The following SPAST variants were observed in gnomAD, a reference collection of about 807,000 sequenced individuals.
SPAST encodes the protein spastic paraplegia 4 (autosomal dominant; spastin).
SPAST carries 30 observed loss-of-function variants against 76.6 expected under a neutral mutation model. That is an observed-to-expected ratio of 0.39 (90% CI 0.29 to 0.53). The LOEUF is 0.53. Among genes scored for constraint, SPAST ranks in the 20% least tolerant of loss-of-function variants. SPAST has a pLI of 0.68. For synonymous variants in SPAST, 305 were observed against 281.0 expected (o/e 1.09, Z -0.86); for missense variants, 717 against 770.5 (o/e 0.93, Z 0.82).
chr2:32,111,364 G>GAGTATATATAGTATA (rs1558320852), intron 4 of SPAST, among the ~76,000 whole-genome samples: 1 of 127,900 alleles, frequency 7.8e-6, no homozygotes, highest in Non-Finnish European at 1.7e-5. Flanking sequence ...AGTGTGTATA[G>GAGTATATATAGTATA]CGTATATATA....
intron 9 of SPAST, among the ~76,000 whole-genome samples, chr2:32,132,542 T>TA (rs1553317557): frequency 6.7e-6 from 1 of 149,668 alleles, no homozygotes; most frequent in African/African-American, 2.5e-5. Context: ...TTTTTTTTTT[T>TA]ATGAGACAGC....
intron 16 of SPAST, among the ~76,000 whole-genome samples, chr2:32,150,576 T>G (rs1573180563): frequency 6.6e-6 from 1 of 152,010 alleles, no homozygotes; most frequent in East Asian, 1.9e-4. Context: ...TTGCTGGGAC[T>G]ACGGGCATGT....
chr2:32,086,919 A>G (rs918611460), intron 1 of SPAST, among the ~76,000 whole-genome samples: 2 of 152,214 alleles, frequency 1.3e-5, no homozygotes, highest in African/African-American at 4.8e-5. Flanking sequence ...CTGAGTTTTT[A>G]GGTCCTTTTA....
chr2:32,085,788 C>G (rs1677451540), intron 1 of SPAST, among the ~76,000 whole-genome samples: 1 of 151,896 alleles, frequency 6.6e-6, no homozygotes, highest in Admixed American at 6.6e-5. Flanking sequence ...CGCCTGTAAT[C>G]CCAGCACTTT....
intron 1 of SPAST, among the ~76,000 whole-genome samples, chr2:32,074,499 CT>C (rs1004848578): frequency 2.2e-4 from 32 of 144,668 alleles, no homozygotes; most frequent in Admixed American, 3.5e-4. Context: ...TCTTTCTCAG[CT>C]TTTTTTTTTG....
chr2:32,087,976 C>A (rs1327459940), intron 2 of SPAST, among the ~76,000 whole-genome samples: 1 of 151,856 alleles, frequency 6.6e-6, no homozygotes, highest in East Asian at 1.9e-4. Context: ...CTCCGCCTCC[C>A]GGATTCAGGC....
chr2:32,111,331 CGTAT>C (rs1678589699), intron 4 of SPAST, among the ~76,000 whole-genome samples: 1 of 116,592 alleles, frequency 8.6e-6, no homozygotes, highest in Non-Finnish European at 1.8e-5. Context: ...GTGTGTATAG[CGTAT>C]ATATACAGTA....
At chr2:32,077,624 T>G (rs74374868) in intron 1 of SPAST, among the ~76,000 whole-genome samples, 4,936 of 152,286 alleles carry the variant, frequency 0.032, 115 homozygotes, top group Middle Eastern at 0.075. Context: ...AGGACTTAAA[T>G]CTTTGCCTTC....
intron 1 of SPAST, among the ~76,000 whole-genome samples, chr2:32,079,446 G>T (rs1238923906): frequency 6.6e-6 from 1 of 151,796 alleles, no homozygotes; most frequent in Non-Finnish European, 1.5e-5. Context: ...AGGAGGCGGA[G>T]GTTGCAGTGA....
intron 1 of SPAST, among the ~76,000 whole-genome samples, chr2:32,070,046 T>C (rs962428514): frequency 9.4e-5 from 14 of 148,790 alleles, no homozygotes; most frequent in African/African-American, 2.2e-4. Flanking sequence ...TTTATTCTTA[T>C]GGCATACTAA....
At chr2:32,096,467 C>T (rs1677918587) in intron 3 of SPAST, among the ~76,000 whole-genome samples, 2 of 152,000 alleles carry the variant, frequency 1.3e-5, no homozygotes, top group Admixed American at 6.6e-5. Context: ...AGCAGTTTCA[C>T]AGATGCTGTT....
rs1453031302 is a variant in SPAST, at chr2:32,156,060, C to CA, written c.*1565dup. On this transcript the variant is annotated 3_prime_UTR_variant, in exon 17 of 17. Coordinates refer to ENST00000315285, the MANE Select transcript of SPAST (RefSeq NM_014946.4). ...TCTGGGTTTTTTTTTTTTTTTGAGA[C>CA]AGAGTTTCGCTCTTGTTGCCCAGGC... is the stretch of plus-strand genomic sequence containing the variant. The CA allele has an allele frequency of 1.4e-5, 2 of 145,296 alleles. No individual in the cohort carries two copies. Among genetic ancestry groups the CA allele is most frequent in the Non-Finnish European group, 3.0e-5 (2 of 66,724 alleles). The allele number at this position is 145,296 out of a possible 1,614,324, so 9.0% of individuals were successfully genotyped here. A position where few individuals can be genotyped will look rare whatever the true frequency, so the allele number is the denominator to read the frequency against.
At chr2:32,106,910 T>G (rs1285497901) in intron 4 of SPAST, among the ~76,000 whole-genome samples, 1 of 149,742 alleles carries the variant, frequency 6.7e-6, no homozygotes, top group African/African-American at 2.5e-5. Flanking sequence ...AACAAAGAAA[T>G]GTAAGAGTCC....
At chr2:32,154,349 T>C (rs1680182448) in intron 16 of SPAST, 25 bp from the exon 17 acceptor site, 1 of 1,602,864 alleles carries the variant, frequency 6.2e-7, no homozygotes, top group African/African-American at 1.3e-5. Flanking sequence ...TCATTTGTAT[T>C]GTCATGTGCT....
intron 13 of SPAST, 65 bp downstream of exon 13, chr2:32,142,011 A>G (rs1175988282): frequency 9.8e-6 from 12 of 1,221,242 alleles, no homozygotes; most frequent in Non-Finnish European, 1.3e-5. Flanking sequence ...TCTTGACAAT[A>G]TTAAGTCTTC....
intron 7 of SPAST, among the ~76,000 whole-genome samples, chr2:32,126,093 C>T (rs1679183401): frequency 6.6e-6 from 1 of 152,182 alleles, no homozygotes; most frequent in African/African-American, 2.4e-5. Context: ...CTGTAAGCCA[C>T]CGTGCCCGGC....
In SPAST at chr2:32,144,818, A is replaced by T. The variant is rs895575919; in HGVS notation, c.1617-119A>T. The T allele has an allele frequency of 8.7e-6, 6 of 692,964 alleles. No individual in the cohort carries two copies. The African/African-American group carries it at 1.1e-4, about 12-fold the overall frequency. 42.9% of individuals were successfully genotyped at this position (692,964 alleles called of 1,614,324 possible). On this transcript the variant is annotated intron_variant, in intron 14 of 16. Transcript: ENST00000315285. ...GTAGGAGAATCGCTCCAGGAGGTGG[A>T]GATCACAGTGAGCTGAGATCATGCC...
intron 4 of SPAST, among the ~76,000 whole-genome samples, chr2:32,101,491 C>G (rs949832145): frequency 1.3e-5 from 2 of 152,124 alleles, no homozygotes; most frequent in Non-Finnish European, 2.9e-5. Flanking sequence ...TCAATTTTGG[C>G]TTTTGTTGCC....
Position 32,063,828 on chromosome 2 carries a change from G to C in SPAST, c.-4G>C. 6.4e-7 allele frequency: 1 copy of C among 1,568,788 alleles called. No homozygotes were observed. Among genetic ancestry groups the C allele is most frequent in the South Asian group, 1.1e-5 (1 of 87,900 alleles). ...TATGGCGGCGGCGGCAGTGAGAGCTGTGAATGAATTCTCCGGGTGGACGAG... is the reference window on the plus strand; with the variant it reads ...TATGGCGGCGGCGGCAGTGAGAGCTCTGAATGAATTCTCCGGGTGGACGAG... On this transcript the variant is annotated 5_prime_UTR_variant, in exon 1 of 17. Coordinates refer to ENST00000315285, the MANE Select transcript of SPAST (RefSeq NM_014946.4).
Sources: gnomAD v4.1 joint callset for allele counts (sites outside exome capture counted in the v4.1 genomes callset) on GRCh38, gnomAD v4.1.1 for gene constraint, MANE v1.5 for transcripts, NCBI Gene and HGNC (gene_info 2026-07-23, HGNC 2026-07-21) for gene names.